GPR19: variants seen among roughly 807,000 people sequenced by gnomAD.
GPR19 encodes probable G protein-coupled receptor 19.
A neutral mutation model predicts 28.5 loss-of-function variants in GPR19; 14 were observed. The observed-to-expected ratio is 0.49, with a 90% CI of 0.32 to 0.77. The LOEUF (loss-of-function observed/expected upper bound fraction) is 0.77, where lower values mean the gene tolerates loss of function less well. Ranked by LOEUF, GPR19 falls within the 30% of genes least tolerant of loss-of-function variation. The probability of loss-of-function intolerance (pLI) is 0.03; values close to 1 mark genes in which losing one functional copy is unlikely to be tolerated. For missense variants in GPR19, 409 were observed against 504.1 expected, an observed-to-expected ratio of 0.81 and a Z score of 1.81; for synonymous variants, 173 against 184.1, an observed-to-expected ratio of 0.94 and a Z score of 0.49.
rs1566135851 is a variant in GPR19 at position 12,664,191 on chromosome 12, C to T, written c.-22-1721G>A. Among the ~76,000 whole-genome samples the T allele has an allele frequency of 5.3e-5, 8 of 152,040 alleles. No homozygotes were observed. In the South Asian group the frequency reaches 1.7e-3, roughly 32 times the overall value. ...TTTTAGTAGAGACCGGGTTTCCCCA[C>T]GTTGGCCAGGCTGGTCTTGAACTCC... On this transcript the variant is annotated intron_variant, in intron 3 of 3. Coordinates refer to ENST00000651487, the MANE Select transcript of GPR19 (RefSeq NM_006143.3).
chr12:12,662,501 T>G, intron 3 of GPR19, 31 bp from the exon 4 acceptor site: 1 of 1,517,778 alleles, frequency 6.6e-7, no homozygotes, highest in Non-Finnish European at 9.0e-7. Context: ...TGAGGCCTCC[T>G]GTTAAAAAGG....
the GPR19 span, among the ~76,000 whole-genome samples, chr12:12,713,685 A>T: frequency 0.17 from 26,154 of 151,920 alleles, 2,379 homozygotes; most frequent in East Asian, 0.33. Context: ...GGCCTGCACT[A>T]CCATGCCCAG....
intron 3 of GPR19, among the ~76,000 whole-genome samples, chr12:12,677,811 C>T (rs557750680): frequency 3.3e-5 from 5 of 151,946 alleles, no homozygotes; most frequent in Middle Eastern, 3.4e-3. Flanking sequence ...GGGTGGCTCA[C>T]GCCTGTAATC....
intron 3 of GPR19, among the ~76,000 whole-genome samples, chr12:12,673,628 T>A (rs1410917456): frequency 6.6e-6 from 1 of 152,116 alleles, no homozygotes. Flanking sequence ...CGACAGGAAG[T>A]CCGCCATAAC....
the GPR19 span, among the ~76,000 whole-genome samples, chr12:12,702,543 G>A: frequency 1.3e-5 from 2 of 151,992 alleles, no homozygotes; most frequent in Non-Finnish European, 2.9e-5. Context: ...AGATCCTTAC[G>A]GTGATGACTC....
chr12:12,713,694 A>G, the GPR19 span, among the ~76,000 whole-genome samples: 12 of 151,838 alleles, frequency 7.9e-5, no homozygotes, highest in Admixed American at 7.9e-4. Flanking sequence ...TACCATGCCC[A>G]GCTAATGTTT....
intron 2 of GPR19, among the ~76,000 whole-genome samples, chr12:12,685,587 G>A (rs1188090345): frequency 6.6e-6 from 1 of 152,150 alleles, no homozygotes; most frequent in Non-Finnish European, 1.5e-5. Context: ...GAAAGGAAGA[G>A]GGAAAAGGAC....
chr12:12,686,651 A>G (rs928534879), intron 2 of GPR19, among the ~76,000 whole-genome samples: 1 of 152,246 alleles, frequency 6.6e-6, no homozygotes, highest in Non-Finnish European at 1.5e-5. Context: ...AAAGCTGCAT[A>G]GTGTGGGAGC....
chr12:12,713,099 G>C, the GPR19 span, among the ~76,000 whole-genome samples: 17 of 118,484 alleles, frequency 1.4e-4, no homozygotes, highest in African/African-American at 5.6e-4. Flanking sequence ...GTCTCACTCT[G>C]TCTCTCCCGG....
intron 2 of GPR19, chr12:12,688,401 T>C (rs1301714145): frequency 2.0e-5 from 3 of 152,144 alleles, no homozygotes; most frequent in Non-Finnish European, 4.4e-5. Context: ...TAAGATATTA[T>C]GAGGAAATAA....
In GPR19 at chr12:12,661,246, C is replaced by CT. The variant is rs1566129610; in HGVS notation, c.1202dup (p.Leu402AlafsTer6). The CT allele has an allele frequency of 2.5e-6, 4 of 1,612,392 alleles. No homozygotes were observed. Among genetic ancestry groups the CT allele is most frequent in the South Asian group, 1.1e-5 (1 of 90,792 alleles). ...GATTTGAGTTAATGGGCCAAGCAAG[C>CT]TTTTTTTCCTTGGCTTCTCTGTCAA... On this transcript the variant is annotated frameshift_variant, in exon 4 of 4. Coordinates refer to ENST00000651487, the MANE Select transcript of GPR19 (RefSeq NM_006143.3). LOFTEE classifies it high-confidence loss of function. This position sits in a 1 kb window ranked among gnomAD's most constrained non-coding sequence, Gnocchi z 4.2.
intron 3 of GPR19, among the ~76,000 whole-genome samples, chr12:12,678,073 CAAAAAAAAAAAA>C (rs56014911): frequency 4.3e-5 from 2 of 46,098 alleles, no homozygotes; most frequent in Non-Finnish European, 8.7e-5. Flanking sequence ...GACTCTGTCT[CAAAAAAAAAAAA>C]AAAAAAAAAA....
the GPR19 span, chr12:12,717,046 C>T: frequency 9.9e-7 from 1 of 1,005,990 alleles, no homozygotes; most frequent in Non-Finnish European, 1.2e-6. Flanking sequence ...GCGGCGAACC[C>T]GCCAACGCAG....
chr12:12,686,825 A>C (rs1946104113), intron 2 of GPR19, among the ~76,000 whole-genome samples: 1 of 152,234 alleles, frequency 6.6e-6, no homozygotes, highest in Non-Finnish European at 1.5e-5. Flanking sequence ...GCTTTAAATT[A>C]TTTGAGACAA....
chr12:12,661,926 C>T lies in GPR19; in HGVS notation c.523G>A (p.Val175Met), dbSNP rs769431991. Residue 175 changes from valine to methionine, a missense_variant, in exon 4 of 4, where the codon GTG (valine) becomes ATG (methionine). By Grantham distance (21) the Val-to-Met change is conservative. Transcript: ENST00000651487. This position sits in a 1 kb window ranked among gnomAD's most constrained non-coding sequence, Gnocchi z 4.2. ...YTIVYPLSFK[V>M]SREKAKKMIA... ...ATTTTCTTGGCTTTTTCTCTGGACA[C>T]CTTGAAGCTCAGAGGATAGACGATG... The T allele has an allele frequency of 1.2e-6, 2 of 1,614,210 alleles. No individual in the cohort carries two copies. The highest frequency in any genetic ancestry group is 1.7e-5 in the Admixed American group (1 of 60,026).
At chr12:12,671,090 G>A (rs930486484) in intron 3 of GPR19, among the ~76,000 whole-genome samples, 1 of 151,782 alleles carries the variant, frequency 6.6e-6, no homozygotes, top group African/African-American at 2.4e-5. Context: ...TCTGAGGTCA[G>A]GTGTTTAAGA....
At chr12:12,708,756 G>A in the GPR19 span, among the ~76,000 whole-genome samples, 1 of 152,186 alleles carries the variant, frequency 6.6e-6, no homozygotes, top group Non-Finnish European at 1.5e-5. Flanking sequence ...CTGCTTTAAA[G>A]TATTTAAAGT....
Position 12,662,338 on chromosome 12 carries a change from G to C in GPR19, c.111C>G (p.Ser37Arg). Residue 37 changes from serine to arginine, a missense_variant, in exon 4 of 4, where the codon AGC becomes AGG. Coordinates refer to ENST00000651487, the MANE Select transcript of GPR19 (RefSeq NM_006143.3). Reference protein sequence around the residue: ...SCTETATPLPSQYLMELSEEH... With the variant: ...SCTETATPLPRQYLMELSEEH... ...CCTCACTTAATTCCATCAGGTATTG[G>C]CTTGGCAGAGGTGTGGCTGTTTCAG... is the stretch of plus-strand genomic sequence containing the variant. The C allele has an allele frequency of 2.5e-6, 4 of 1,614,204 alleles. No homozygotes were observed. Among genetic ancestry groups the C allele is most frequent in the Non-Finnish European group, 3.4e-6 (4 of 1,180,038 alleles).
At chr12:12,711,231 T>C in the GPR19 span, among the ~76,000 whole-genome samples, 1 of 150,348 alleles carries the variant, frequency 6.7e-6, no homozygotes, top group African/African-American at 2.5e-5. Context: ...GAGGTGGAGG[T>C]TGCAGTGAGC....
Sources: allele counts gnomAD v4.1 joint callset (sites outside exome capture counted in the v4.1 genomes callset), GRCh38; gene constraint gnomAD v4.1.1; non-coding constraint Gnocchi (gnomAD v3.1); transcripts MANE v1.5; gene names NCBI Gene and HGNC (gene_info 2026-07-23, HGNC 2026-07-21).